AP3D1: variants seen among roughly 807,000 people sequenced by gnomAD.
AP3D1 encodes the protein AP-3 complex subunit delta-1.
Under a neutral mutation model 147.6 loss-of-function variants are expected in AP3D1, and 51 were observed. That is an observed-to-expected ratio of 0.35 (90% confidence interval 0.28 to 0.44). AP3D1 has a LOEUF of 0.44. Ranked by LOEUF, AP3D1 falls within the 20% of genes least tolerant of loss-of-function variation. AP3D1 has a pLI of 1.00. For missense variants in AP3D1, 1,421 were observed against 1,624.2 expected (o/e 0.87, Z 2.15); for synonymous variants, 760 against 663.0 (o/e 1.15, Z -2.25).
upstream of AP3D1, among the ~76,000 whole-genome samples, chr19:2,154,815 A>G (rs141624408): frequency 3.1e-4 from 47 of 152,256 alleles, no homozygotes; most frequent in African/African-American, 1.1e-3. Context: ...ATATGAGATC[A>G]TACTAATTTT....
rs769717940 is a variant in AP3D1 at position 2,127,222 on chromosome 19, A to G, written c.807-21T>C. The G allele has an allele frequency of 2.5e-6, 4 of 1,612,830 alleles. No homozygotes were observed. The Admixed American group carries it at 6.7e-5, about 27-fold the overall frequency. ...ACGTGCTAAGGAAAGGAACACAGGG[A>G]AGCGGCATGAGGACTGGGGGCCTCG... On this transcript the variant is annotated intron_variant, in intron 8 of 31. Coordinates refer to ENST00000643116, the MANE Select transcript of AP3D1 (RefSeq NM_001261826.3).
chr19:2,127,054 G>A (rs2018776758), intron 9 of AP3D1, 98 bp downstream of exon 9: 6 of 1,317,100 alleles, frequency 4.6e-6, no homozygotes, highest in Non-Finnish European at 6.5e-6. Context: ...AGCAGGGGTG[G>A]CGCTCGGAGA....
chr19:2,116,513 C>A, intron 17 of AP3D1, 92 bp downstream of exon 17: 1 of 1,443,408 alleles, frequency 6.9e-7, no homozygotes, highest in Non-Finnish European at 9.1e-7. Flanking sequence ...AGGGTCAGGG[C>A]CAGGACCCAC....
rs766365638 is a variant in AP3D1, at chr19:2,117,358, T to G, written c.1723A>C (p.Ile575Leu). The G allele has an allele frequency of 6.2e-7, 1 of 1,604,270 alleles. No homozygotes were observed. The highest frequency in any genetic ancestry group is 1.3e-5 in the African/African-American group (1 of 74,752). Residue 575 changes from isoleucine to leucine, a missense_variant, in exon 16 of 32, where the codon ATC becomes CTC. By Grantham distance (5) the Ile-to-Leu change is conservative (BLOSUM62 2). Transcript: ENST00000643116. ...DLEVQERASC[I>L]LQLVKHIQKL... Reference sequence around the variant, plus strand: ...TGGATGTGCTTGACCAGCTGCAGGATGCAGGACGCCTGTGGGGGACACAGG... The same window carrying G: ...TGGATGTGCTTGACCAGCTGCAGGAGGCAGGACGCCTGTGGGGGACACAGG...
At chr19:2,103,601 G>A (rs996713719) in intron 31 of AP3D1, among the ~76,000 whole-genome samples, 3 of 152,146 alleles carry the variant, frequency 2.0e-5, no homozygotes, top group East Asian at 3.8e-4. Flanking sequence ...TCCAGAGGCC[G>A]CTGCCGGGTC....
At chr19:2,145,299 G>C (rs2019326982) in intron 1 of AP3D1, among the ~76,000 whole-genome samples, 1 of 152,194 alleles carries the variant, frequency 6.6e-6, no homozygotes, top group Admixed American at 6.5e-5. Context: ...TGGGCCACAT[G>C]GTGGATGCCC....
At chr19:2,127,429 G>A (rs1294577625) in intron 8 of AP3D1, among the ~76,000 whole-genome samples, 1 of 152,232 alleles carries the variant, frequency 6.6e-6, no homozygotes, top group East Asian at 1.9e-4. Context: ...GCAGGCCCGT[G>A]ACAGCATCCA....
intron 1 of AP3D1, among the ~76,000 whole-genome samples, chr19:2,140,181 C>T (rs991537045): frequency 6.6e-6 from 1 of 152,124 alleles, no homozygotes; most frequent in African/African-American, 2.4e-5. Context: ...AACAAAAAGA[C>T]CATCCCAGGC....
intron 1 of AP3D1, among the ~76,000 whole-genome samples, chr19:2,161,692 T>C: frequency 6.6e-6 from 1 of 152,040 alleles, no homozygotes; most frequent in East Asian, 1.9e-4. Context: ...TTTATGCCTG[T>C]AATCCCAGCA....
At chr19:2,159,524 G>A (rs2019678210) in intron 1 of AP3D1, among the ~76,000 whole-genome samples, 1 of 151,796 alleles carries the variant, frequency 6.6e-6, no homozygotes, top group African/African-American at 2.4e-5. Context: ...GAGTAGCTGG[G>A]ACTACAGGTG....
intron 15 of AP3D1, among the ~76,000 whole-genome samples, chr19:2,117,867 C>T (rs1306525995): frequency 6.6e-6 from 1 of 152,262 alleles, no homozygotes; most frequent in Non-Finnish European, 1.5e-5. Flanking sequence ...CTCCCGACCT[C>T]TCTCACAGAT....
intron 27 of AP3D1, 24 bp from the exon 28 acceptor site, chr19:2,110,248 G>A: frequency 6.2e-7 from 1 of 1,604,392 alleles, no homozygotes; most frequent in Non-Finnish European, 8.5e-7. Context: ...GAGGGAGTGG[G>A]GCCTGAGACG....
At chr19:2,110,962 G>A (rs2018257558) in intron 26 of AP3D1, 66 bp from the exon 27 acceptor site, 2 of 1,528,498 alleles carry the variant, frequency 1.3e-6, no homozygotes, top group Non-Finnish European at 1.8e-6. Flanking sequence ...ACAGCCACCT[G>A]TCTCTTAATG....
intron 24 of AP3D1, 58 bp downstream of exon 24, chr19:2,112,802 G>A (rs995306142): frequency 4.3e-6 from 6 of 1,408,244 alleles, no homozygotes; most frequent in Admixed American, 4.1e-5. Context: ...CCGGCCCCAC[G>A]TTGGGGTGCT....
Position 2,116,610 on chromosome 19 carries a change from C to T in AP3D1, c.1996G>A (p.Ala666Thr). ...RPSEADEEEL[A>T]RRREARKQEQ... ...AGGGGCAGCCAGCAGCTCACCCGAG[C>T]CAGCTCTTCCTCGTCCGCCTCCGAC... The change falls in exon 17 of 32, where the codon GCT becomes ACT. Residue 666 changes from alanine (A) to threonine (T), a missense_variant. Physicochemically the swap from Ala to Thr is moderately conservative, Grantham distance 58. This residue lies in a region of AP3D1 where 791 missense variants were observed against 761.4 expected (regional missense o/e 1.04). Coordinates refer to ENST00000643116, the MANE Select transcript of AP3D1 (RefSeq NM_001261826.3). The T allele has an allele frequency of 1.3e-6, 2 of 1,592,430 alleles. No homozygotes were observed. Among genetic ancestry groups the T allele is most frequent in the Non-Finnish European group, 1.7e-6 (2 of 1,170,456 alleles).
chr19:2,163,481 C>A (rs111517654), intron 1 of AP3D1, among the ~76,000 whole-genome samples: 1 of 143,966 alleles, frequency 6.9e-6, no homozygotes, highest in Admixed American at 7.1e-5. Context: ...GGTGAATCAC[C>A]GCGCCTGGCC....
At chr19:2,102,740 TAAATAAATAAATAAATAAA>T (rs1223425662) in intron 31 of AP3D1, among the ~76,000 whole-genome samples, 4 of 74,406 alleles carry the variant, frequency 5.4e-5, no homozygotes, top group Non-Finnish European at 1.2e-4. Flanking sequence ...AATAAATAAA[TAAATAAATAAATAAATAAA>T]TAAATAAATA....
At chr19:2,114,854 C>T in intron 20 of AP3D1, 33 bp from the exon 21 acceptor site, 2 of 1,611,402 alleles carry the variant, frequency 1.2e-6, no homozygotes, top group South Asian at 2.2e-5. Flanking sequence ...ATCACTGGAA[C>T]CCGCCCTTGT....
At chr19:2,141,145 C>T (rs991298433) in intron 1 of AP3D1, among the ~76,000 whole-genome samples, 3 of 152,110 alleles carry the variant, frequency 2.0e-5, no homozygotes, top group African/African-American at 7.2e-5. Context: ...TGTAAATTAG[C>T]TGAAGCTATA....
Sources: gnomAD v4.1 joint callset for allele counts (sites outside exome capture counted in the v4.1 genomes callset) on GRCh38, gnomAD v4.1.1 for gene constraint, gnomAD v4.1.1 regional missense constraint, MANE v1.5 for transcripts, NCBI Gene and HGNC (gene_info 2026-07-23, HGNC 2026-07-21) for gene names.